PRORP: variants seen among roughly 807,000 people sequenced by gnomAD.
PRORP encodes protein only RNase P catalytic subunit.
Under a neutral mutation model 59.4 loss-of-function variants are expected in PRORP, and 51 were observed. That is an observed-to-expected ratio of 0.86 (90% CI 0.69 to 1.08). The LOEUF is 1.08. Ranked by LOEUF, PRORP falls within the 50% of genes least tolerant of loss-of-function variation. The pLI is 0.00. For synonymous variants in PRORP, 231 were observed against 245.6 expected (o/e 0.94, Z 0.55); for missense variants, 646 against 690.3 (o/e 0.94, Z 0.72).
chr14:35,242,956 A>T (rs1253427298), intron 5 of PRORP, among the ~76,000 whole-genome samples: 1 of 152,208 alleles, frequency 6.6e-6, no homozygotes, highest in African/African-American at 2.4e-5. Flanking sequence ...CAGATCTTGC[A>T]TTCAAAGACA....
intron 7 of PRORP, 82 bp downstream of exon 7, chr14:35,270,678 T>G: frequency 3.2e-6 from 4 of 1,249,930 alleles, no homozygotes; most frequent in South Asian, 1.3e-5. Context: ...GTGTCACAAC[T>G]AATTGAAGGT....
In PRORP at chr14:35,238,330, T is replaced by C. The variant is rs10131214; in HGVS notation, c.1276-28397T>C. On this transcript the variant is annotated intron_variant, in intron 5 of 7. Coordinates refer to ENST00000534898, the MANE Select transcript of PRORP (RefSeq NM_014672.4). Reference sequence around the variant, plus strand: ...CAAACCCACATATCTAGACCGCCCCTCACTGGGTAGTTCTCTGGATTTGTT... The same window carrying C: ...CAAACCCACATATCTAGACCGCCCCCCACTGGGTAGTTCTCTGGATTTGTT... 4.2e-3 allele frequency among the ~76,000 whole-genome samples: 640 copies of C among 152,302 alleles called. 6 individuals carry two copies. The highest frequency in any genetic ancestry group is 0.015 in the African/African-American group (608 of 41,566).
chr14:35,210,597 C>T (rs1000824364), intron 5 of PRORP, among the ~76,000 whole-genome samples: 7 of 151,260 alleles, frequency 4.6e-5, no homozygotes, highest in African/African-American at 1.7e-4. Context: ...TGATAAGTAT[C>T]AGTTATCTTG....
At chr14:35,210,564 A>G (rs988223291) in intron 5 of PRORP, among the ~76,000 whole-genome samples, 2 of 151,642 alleles carry the variant, frequency 1.3e-5, no homozygotes, top group African/African-American at 4.8e-5. Flanking sequence ...CAGTGGCAGA[A>G]TTTTGCAGGA....
chr14:35,208,963 A>G (rs899371768), intron 5 of PRORP, among the ~76,000 whole-genome samples: 1 of 134,276 alleles, frequency 7.4e-6, no homozygotes, highest in Non-Finnish European at 1.8e-5. Context: ...CTTGGGAGGC[A>G]GAGGTTGCAG....
chr14:35,150,453 C>T (rs1469488415), intron 4 of PRORP, among the ~76,000 whole-genome samples: 1 of 152,122 alleles, frequency 6.6e-6, no homozygotes, highest in African/African-American at 2.4e-5. Context: ...TATGTCGGTG[C>T]AAGAATTCTG....
In PRORP at chr14:35,205,765, TTTTG is replaced by T. The variant is rs138537585; in HGVS notation, c.1275+25000_1275+25003del. ...CCATGGTGGCTTCATACACACAGTT[TTTTG>T]TTTGTTTGTTTTTTCTCACACCTCT... On this transcript the variant is annotated intron_variant, in intron 5 of 7. Coordinates refer to ENST00000534898, the MANE Select transcript of PRORP (RefSeq NM_014672.4). 5.3e-3 allele frequency among the ~76,000 whole-genome samples: 805 copies of T among 152,302 alleles called. 9 individuals carry two copies. Among genetic ancestry groups the T allele is most frequent in the Middle Eastern group, 0.02 (6 of 294 alleles).
intron 4 of PRORP, among the ~76,000 whole-genome samples, chr14:35,147,766 A>T (rs2047646604): frequency 6.6e-6 from 1 of 152,258 alleles, no homozygotes; most frequent in Non-Finnish European, 1.5e-5. Context: ...TTTTTTCAAA[A>T]TTGGAGTCAA....
At chr14:35,176,299 G>A (rs2048448158) in intron 4 of PRORP, among the ~76,000 whole-genome samples, 1 of 152,096 alleles carries the variant, frequency 6.6e-6, no homozygotes, top group Non-Finnish European at 1.5e-5. Flanking sequence ...TAGCTTGATG[G>A]GGATGGCATT....
chr14:35,146,690 A>G (rs1009949608), intron 4 of PRORP, among the ~76,000 whole-genome samples: 11 of 152,208 alleles, frequency 7.2e-5, no homozygotes, highest in African/African-American at 2.4e-4. Context: ...CATGTGTTTT[A>G]AAGTACAGGC....
At chr14:35,153,146 G>C (rs931467877) in intron 4 of PRORP, among the ~76,000 whole-genome samples, 1 of 152,246 alleles carries the variant, frequency 6.6e-6, no homozygotes, top group Non-Finnish European at 1.5e-5. Context: ...CCGGCACCTC[G>C]GGAGGCCGAG....
intron 4 of PRORP, among the ~76,000 whole-genome samples, chr14:35,167,291 C>T (rs1168040946): frequency 6.6e-6 from 1 of 152,182 alleles, no homozygotes; most frequent in Non-Finnish European, 1.5e-5. Flanking sequence ...AGGAGACCAT[C>T]ACTGTTTTTT....
At chr14:35,235,999 G>A (rs1019772910) in intron 5 of PRORP, among the ~76,000 whole-genome samples, 5 of 151,692 alleles carry the variant, frequency 3.3e-5, no homozygotes, top group African/African-American at 1.2e-4. Context: ...GGGAGGCTGA[G>A]GTGGGAGGAC....
In PRORP at chr14:35,275,350, A is replaced by C. The variant is rs1304103153; in HGVS notation, c.*1784A>C. 1 of 152,192 alleles carries C rather than the reference A, an allele frequency of 6.6e-6. No homozygotes were observed. Among genetic ancestry groups the C allele is most frequent in the Non-Finnish European group, 1.5e-5 (1 of 68,034 alleles). The allele number at this position is 152,192 out of a possible 1,614,324, so 9.4% of individuals were successfully genotyped here. The stretch of plus-strand genomic sequence containing the variant: ...ATGCACAGAGAAACAATTTAGGAAA[A>C]TCCAAGGAGGGGACGTTTTATCTTC... On this transcript the variant is annotated 3_prime_UTR_variant, in exon 8 of 8. Transcript: ENST00000534898.
intron 5 of PRORP, among the ~76,000 whole-genome samples, chr14:35,231,491 G>A (rs1352281293): frequency 6.6e-6 from 1 of 152,094 alleles, no homozygotes; most frequent in Non-Finnish European, 1.5e-5. Flanking sequence ...TGGCTTTGTT[G>A]TTTTAATGGA....
chr14:35,167,869 T>A (rs766787670), intron 4 of PRORP, among the ~76,000 whole-genome samples: 11 of 152,176 alleles, frequency 7.2e-5, no homozygotes, highest in Non-Finnish European at 1.3e-4. Flanking sequence ...TAATGCATAC[T>A]CAAAACTTTG....
In PRORP at chr14:35,123,947, G is replaced by GT; in HGVS notation, c.702_703insT (p.Asp235Ter). The GT allele has an allele frequency of 1.2e-6, 2 of 1,614,054 alleles. No homozygotes were observed. Among genetic ancestry groups the GT allele is most frequent in the South Asian group, 2.2e-5 (2 of 91,088 alleles). Reference sequence around the variant, plus strand: ...GGAGAGAAGCATTGTTGCTGTTAGAGGACATCAAAAAAGTTATAACTCCTT... The same window carrying GT: ...GGAGAGAAGCATTGTTGCTGTTAGAGTGACATCAAAAAAGTTATAACTCCTT... On this transcript the variant is annotated frameshift_variant, in exon 2 of 8. Coordinates refer to ENST00000534898, the MANE Select transcript of PRORP (RefSeq NM_014672.4). LOFTEE classifies it high-confidence loss of function.
At chr14:35,215,885 G>C (rs1022087470) in intron 5 of PRORP, among the ~76,000 whole-genome samples, 1 of 151,586 alleles carries the variant, frequency 6.6e-6, no homozygotes, top group African/African-American at 2.4e-5. Flanking sequence ...TCCTGCCTCA[G>C]CCTCCTGAGT....
At chr14:35,182,997 T>C (rs2048653294) in intron 5 of PRORP, among the ~76,000 whole-genome samples, 1 of 152,190 alleles carries the variant, frequency 6.6e-6, no homozygotes, top group African/African-American at 2.4e-5. Flanking sequence ...GCCCGATACA[T>C]ATTTAAATAT....
Sources: allele counts gnomAD v4.1 joint callset (sites outside exome capture counted in the v4.1 genomes callset), GRCh38; gene constraint gnomAD v4.1.1; transcripts MANE v1.5; gene names NCBI Gene and HGNC (gene_info 2026-07-23, HGNC 2026-07-21).